Variants in RNF103 observed in about 807,000 individuals in gnomAD.
RNF103 encodes the protein ring finger protein 103, also known as E3 ubiquitin-protein ligase RNF103.
Under a neutral mutation model 66.2 loss-of-function variants are expected in RNF103, and 23 were observed. The observed-to-expected ratio is 0.35, with a 90% CI of 0.25 to 0.49. RNF103 has a LOEUF of 0.49. Among genes scored for constraint, RNF103 ranks in the 20% least tolerant of loss-of-function variants. The pLI is 0.98. For synonymous variants in RNF103, 297 were observed against 289.9 expected (o/e 1.02, Z -0.25); for missense variants, 730 against 814.7 (o/e 0.90, Z 1.27).
chr2:86,612,410 T>C (rs1678835123), intron 2 of RNF103, 136 bp from the exon 3 acceptor site: 1 of 588,300 alleles, frequency 1.7e-6, no homozygotes, highest in Non-Finnish European at 3.0e-6. Context: ...ATCATCACAT[T>C]ATCATTACAA....
chr2:86,620,172 CTTT>C (rs1452883182), intron 2 of RNF103, among the ~76,000 whole-genome samples, 155 bp downstream of exon 2: 2 of 152,136 alleles, frequency 1.3e-5, no homozygotes, highest in African/African-American at 4.8e-5. Context: ...TCTCCAAAAC[CTTT>C]TTAAGAAGAT....
intron 3 of RNF103, among the ~76,000 whole-genome samples, chr2:86,605,649 G>A (rs1369663187): frequency 1.3e-5 from 2 of 151,872 alleles, no homozygotes; most frequent in East Asian, 1.9e-4. Context: ...AAGCCTCTGA[G>A]TCAAAGGAAT....
intron 2 of RNF103, chr2:86,617,450 T>C: frequency 2.1e-6 from 1 of 467,550 alleles, no homozygotes; most frequent in Non-Finnish European, 2.8e-6. Flanking sequence ...TATACTGTTA[T>C]AATTGTTCTA....
chr2:86,604,057 A>G lies in RNF103; in HGVS notation c.1844T>C (p.Met615Thr), dbSNP rs141930795. ...AACAACACATTCAGTACAGTGCAGC[A>G]TATCAGCAGGCCAAGTTAACCAATC... ...EPDWLTWPAD[M>T]LHCTECVVCL... Residue 615 changes from methionine (M) to threonine (T), a missense_variant, in exon 4 of 4, where the codon ATG (methionine) becomes ACG (threonine). Physicochemically the swap from Met to Thr is moderately conservative, Grantham distance 81. Coordinates refer to ENST00000237455, the MANE Select transcript of RNF103 (RefSeq NM_005667.4). The G allele has an allele frequency of 1.7e-5, 27 of 1,613,970 alleles. No homozygotes were observed. Among genetic ancestry groups the G allele is most frequent in the African/African-American group, 2.7e-5 (2 of 74,946 alleles).
chr2:86,604,110 T>C lies in RNF103; in HGVS notation c.1791A>G (p.Ser597=), dbSNP rs752128272. Residue 597 remains serine (S), a synonymous_variant, in exon 4 of 4, where the codon TCA becomes TCG. Transcript: ENST00000237455. ...GTTCCATATCTTCATTAGTGTTATA[T>C]GATCCATATGACCTCCCCTTCCTTT... ...PCERKGRSYG[S]YNTNEDMEPD... 4 of 1,613,404 alleles carry C rather than the reference T, an allele frequency of 2.5e-6. No homozygotes were observed. Among genetic ancestry groups the C allele is most frequent in the Non-Finnish European group, 3.4e-6 (4 of 1,180,044 alleles).
chr2:86,617,116 A>G, intron 2 of RNF103: 1 of 985,084 alleles, frequency 1.0e-6, no homozygotes. Context: ...TGTCATTGGT[A>G]AAGATGTCAT....
chr2:86,612,375 T>G lies in RNF103; in HGVS notation c.367-101A>C, dbSNP rs1032284764. 10 of 670,350 alleles carry G rather than the reference T, an allele frequency of 1.5e-5. No homozygotes were observed. The African/African-American group carries it at 1.8e-4, about 12-fold the overall frequency. The allele number at this position is 670,350 out of a possible 1,614,324, so 41.5% of individuals were successfully genotyped here. A position where few individuals can be genotyped will look rare whatever the true frequency, so the allele number is the denominator to read the frequency against. Reference sequence around the variant, plus strand: ...TAATTTCACTTAAAAAAAAAGATATTCTGTTCCCAGTTCTTGTTTACTGTA... The same window carrying G: ...TAATTTCACTTAAAAAAAAAGATATGCTGTTCCCAGTTCTTGTTTACTGTA... On this transcript the variant is annotated intron_variant, in intron 2 of 3. Transcript: ENST00000237455.
At chr2:86,614,804 G>GCAAT (rs1308941926) in intron 2 of RNF103, 1 of 981,652 alleles carries the variant, frequency 1.0e-6, no homozygotes, top group African/African-American at 1.7e-5. Context: ...AAGTATCTGT[G>GCAAT]CAATCATACT....
At chr2:86,606,198 C>T (rs1166042292) in intron 3 of RNF103, among the ~76,000 whole-genome samples, 1 of 152,176 alleles carries the variant, frequency 6.6e-6, no homozygotes, top group African/African-American at 2.4e-5. Context: ...CCCCATTTTA[C>T]AGCAGATTAT....
Position 86,617,671 on chromosome 2 carries a change from C to A in RNF103, c.366+2659G>T, listed in dbSNP as rs72934433. 0.021 allele frequency: 20,650 copies of A among 985,596 alleles called. 3,365 individuals are homozygous for A. The African/African-American group carries it at 0.33, about 16-fold the overall frequency. The allele number at this position is 985,596 out of a possible 1,614,324, so 61.1% of individuals were successfully genotyped here. A position where few individuals can be genotyped will look rare whatever the true frequency, so the allele number is the denominator to read the frequency against. On this transcript the variant is annotated intron_variant, in intron 2 of 3. Transcript: ENST00000237455. ...ACAATTCAAATTGTTAAAAACAATT[C>A]TTGAAAGTTATCCTTTACAATAGAT...
intron 3 of RNF103, among the ~76,000 whole-genome samples, chr2:86,606,266 T>C (rs1028982445): frequency 3.3e-5 from 5 of 152,226 alleles, no homozygotes; most frequent in Non-Finnish European, 7.3e-5. Context: ...AGTAGGATCA[T>C]GACTCTTCCT....
At position 86,605,285 on chromosome 2, in the gene RNF103, T is replaced by C. The variant is rs368892771; in HGVS notation, c.616A>G (p.Ile206Val). Residue 206 changes from isoleucine (I) to valine (V), a missense_variant, in exon 4 of 4, where the codon ATA (isoleucine) becomes GTA (valine). Around this residue, in one of 3 missense-constraint regions of RNF103, gnomAD observed 327 missense variants for 369.8 expected, o/e 0.88. Transcript: ENST00000237455. ...ATCCGAGAAGCTGCATGAGCAGTTATCCATTTAAAAATGTGCTCTACTTCA... is the reference window on the plus strand; with the variant it reads ...ATCCGAGAAGCTGCATGAGCAGTTACCCATTTAAAAATGTGCTCTACTTCA... ...KIEVEHIFKW[I>V]TAHAASRIKT... The C allele has an allele frequency of 6.2e-7, 1 of 1,614,206 alleles. No individual in the cohort carries two copies. Among genetic ancestry groups the C allele is most frequent in the South Asian group, 1.1e-5 (1 of 91,088 alleles).
intron 2 of RNF103, among the ~76,000 whole-genome samples, chr2:86,615,590 A>T (rs2104245987): frequency 6.6e-6 from 1 of 151,088 alleles, no homozygotes; most frequent in African/African-American, 2.4e-5. Context: ...CCCAATTTAT[A>T]GCTCATATCC....
chr2:86,623,766 G>T lies in RNF103; in HGVS notation c.-880C>A. On this transcript the variant is annotated 5_prime_UTR_variant, in exon 1 of 4. Coordinates refer to ENST00000237455, the MANE Select transcript of RNF103 (RefSeq NM_005667.4). ...CCCGCTCGGATGGGCAGTGCCGGTCGCAGCACCCGTCCCCAACACCCCCGC... is the reference window on the plus strand; with the variant it reads ...CCCGCTCGGATGGGCAGTGCCGGTCTCAGCACCCGTCCCCAACACCCCCGC... 2 of 1,282,038 alleles carry T rather than the reference G, an allele frequency of 1.6e-6. No individual in the cohort carries two copies. The highest frequency in any genetic ancestry group is 2.0e-6 in the Non-Finnish European group (2 of 986,036). 79.4% of individuals were successfully genotyped at this position (1,282,038 alleles called of 1,614,324 possible). A position where few individuals can be genotyped will look rare whatever the true frequency, so the allele number is the denominator to read the frequency against.
chr2:86,623,825 C>T lies in RNF103; in HGVS notation c.-939G>A. 2 of 1,288,220 alleles carry T rather than the reference C, an allele frequency of 1.6e-6. No homozygotes were observed. The highest frequency in any genetic ancestry group is 3.0e-5 in the African/African-American group (2 of 65,676). 79.8% of individuals were successfully genotyped at this position (1,288,220 alleles called of 1,614,324 possible). On this transcript the variant is annotated 5_prime_UTR_variant, in exon 1 of 4. Coordinates refer to ENST00000237455, the MANE Select transcript of RNF103 (RefSeq NM_005667.4). ...GAGACCGCGGCCGTACCCTCCACAA[C>T]CGTGTATCAGCGGCGGCCGCGGCCG...
chr2:86,605,520 T>C, intron 3 of RNF103, 102 bp from the exon 4 acceptor site: 6 of 1,245,130 alleles, frequency 4.8e-6, no homozygotes, highest in South Asian at 1.8e-5. Flanking sequence ...CCAAATAATT[T>C]CCAAATAATC....
intron 1 of RNF103, 46 bp downstream of exon 1, chr2:86,622,615 C>T (rs529801471): frequency 1.8e-5 from 28 of 1,588,548 alleles, no homozygotes; most frequent in Non-Finnish European, 2.2e-5. Context: ...TACAGGTCGT[C>T]CCCTCTCCCA....
rs2104230962 is a variant in RNF103 at position 86,612,265 on chromosome 2, T to G, written c.376A>C (p.Asn126His). 1 of 1,609,286 alleles carries G rather than the reference T, an allele frequency of 6.2e-7. No individual in the cohort carries two copies. Among genetic ancestry groups the G allele is most frequent in the African/African-American group, 1.3e-5 (1 of 74,916 alleles). ...DGIWLVQVIA[N>H]DRSPLVGKIH... ...TTGCCCACCAAGGGACTTCTGTCATTTGCTATGACCTATTCCCAAAAATAG... is the reference window on the plus strand; with the variant it reads ...TTGCCCACCAAGGGACTTCTGTCATGTGCTATGACCTATTCCCAAAAATAG... Residue 126 changes from asparagine (N) to histidine (H), a missense_variant, in exon 3 of 4, where the codon AAT (asparagine) becomes CAT (histidine). Transcript: ENST00000237455.
intron 3 of RNF103, among the ~76,000 whole-genome samples, chr2:86,610,552 T>C (rs1678751117): frequency 6.6e-6 from 1 of 152,248 alleles, no homozygotes; most frequent in Admixed American, 6.5e-5. Flanking sequence ...TATTATCTAA[T>C]AACATTAGAC....
Sources: gnomAD v4.1 joint callset for allele counts (sites outside exome capture counted in the v4.1 genomes callset) on GRCh38, gnomAD v4.1.1 for gene constraint, gnomAD v4.1.1 regional missense constraint, MANE v1.5 for transcripts, NCBI Gene and HGNC (gene_info 2026-07-23, HGNC 2026-07-21) for gene names.